Variants in SLIT3 observed in about 807,000 individuals in gnomAD.
SLIT3 encodes slit guidance ligand 3, also known as slit homolog 3 protein.
In SLIT3, 68 loss-of-function variants were observed where a neutral mutation model predicts 184.0. That is an observed-to-expected ratio of 0.37 (90% CI 0.30 to 0.45). SLIT3 has a LOEUF of 0.45. Among genes scored for constraint, SLIT3 ranks in the 20% least tolerant of loss-of-function variants. The pLI is 1.00. For missense variants in SLIT3, 1,707 were observed against 2,026.0 expected (o/e 0.84, Z 3.02); for synonymous variants, 831 against 828.6 (o/e 1.00, Z -0.05).
chr5:168,740,669 T>C (rs1270879192), intron 20 of SLIT3, among the ~76,000 whole-genome samples: 1 of 152,130 alleles, frequency 6.6e-6, no homozygotes, highest in African/African-American at 2.4e-5. Context: ...GGAAGACGGT[T>C]TGGGGAAAGA....
At chr5:169,105,489 T>C (rs1760170460) in intron 4 of SLIT3, among the ~76,000 whole-genome samples, 2 of 152,218 alleles carry the variant, frequency 1.3e-5, no homozygotes, top group Non-Finnish European at 2.9e-5. Flanking sequence ...AACACACTCG[T>C]CCAAAGTCAC....
chr5:169,121,706 T>C (rs75128248), intron 4 of SLIT3, among the ~76,000 whole-genome samples: 2,102 of 152,358 alleles, frequency 0.014, 36 homozygotes, highest in South Asian at 0.082. Flanking sequence ...TCTTCCTGGT[T>C]TGAAGGCTTT....
intron 4 of SLIT3, among the ~76,000 whole-genome samples, chr5:169,173,627 A>G (rs371995327): frequency 6.6e-6 from 1 of 152,178 alleles, no homozygotes; most frequent in Non-Finnish European, 1.5e-5. Context: ...CGTCTCCTCC[A>G]CTGTATTAAA....
chr5:168,902,090 C>G (rs1416986494), intron 4 of SLIT3, among the ~76,000 whole-genome samples: 1 of 152,130 alleles, frequency 6.6e-6, no homozygotes, highest in Non-Finnish European at 1.5e-5. Flanking sequence ...CGGGATTTCA[C>G]CATTTTGGCC....
At chr5:168,768,162 G>A in intron 14 of SLIT3, 1 of 520,974 alleles carries the variant, frequency 1.9e-6, no homozygotes. Context: ...AGAGCACGGT[G>A]CTTTCCGCGG....
chr5:168,972,359 G>GTA lies in SLIT3; in HGVS notation c.414-89024_414-89023insTA, dbSNP rs1176316186. ...AACATGTGTGTGTGTGTGTGTGTGT[G>GTA]TGTGTGTGTGTGTGTGTGAAGAGAG... On this transcript the variant is annotated intron_variant, in intron 4 of 35. Transcript: ENST00000519560. Among the ~76,000 whole-genome samples the GTA allele has an allele frequency of 7.3e-5, 11 of 151,238 alleles. No homozygotes were observed. The East Asian group carries it at 1.6e-3, about 21-fold the overall frequency.
intron 4 of SLIT3, among the ~76,000 whole-genome samples, chr5:169,155,786 G>A (rs1762283856): frequency 6.6e-6 from 1 of 152,216 alleles, no homozygotes; most frequent in Admixed American, 6.5e-5. Context: ...AGGGACAGAA[G>A]TGGCCACAGA....
chr5:168,863,623 C>T (rs1330468862), intron 5 of SLIT3, among the ~76,000 whole-genome samples: 2 of 152,142 alleles, frequency 1.3e-5, no homozygotes, highest in African/African-American at 2.4e-5. Flanking sequence ...CAGGGCATGG[C>T]CAACTCAGAG....
At chr5:169,234,237 A>C (rs1275603969) in intron 3 of SLIT3, among the ~76,000 whole-genome samples, 1 of 152,230 alleles carries the variant, frequency 6.6e-6, no homozygotes, top group South Asian at 2.1e-4. Flanking sequence ...TTTAGCCAAC[A>C]TAGGGAAAGA....
At chr5:168,780,218 T>C (rs1007185876) in intron 12 of SLIT3, among the ~76,000 whole-genome samples, 5 of 152,264 alleles carry the variant, frequency 3.3e-5, no homozygotes, top group Non-Finnish European at 2.9e-5. Context: ...GGTATTTGTC[T>C]GGAAATGCTG....
At chr5:168,907,979 T>TATATATAGAGAGAGAG (rs376418381) in intron 4 of SLIT3, among the ~76,000 whole-genome samples, 29 of 50,072 alleles carry the variant, frequency 5.8e-4, no homozygotes, top group African/African-American at 2.4e-3. Flanking sequence ...TATATATATA[T>TATATATAGAGAGAGAG]AGAGAGAGAG....
At chr5:168,838,152 C>CTTTTAA (rs1758115782) in intron 6 of SLIT3, among the ~76,000 whole-genome samples, 1 of 152,128 alleles carries the variant, frequency 6.6e-6, no homozygotes, top group African/African-American at 2.4e-5. Flanking sequence ...CCGGTAGGTG[C>CTTTTAA]TTTTAATTTT....
rs555917769 is a variant in SLIT3, at chr5:168,957,054, C to T, written c.414-73718G>A. Among the ~76,000 whole-genome samples, 12 of 151,758 alleles carry T rather than the reference C, an allele frequency of 7.9e-5. No individual in the cohort carries two copies. In the East Asian group the frequency reaches 1.4e-3, roughly 17 times the overall value. ...GAGCAGCCTGACCAACATGGTGAAA[C>T]CCCGTCTCTACTCAAAATACAAAAA... On this transcript the variant is annotated intron_variant, in intron 4 of 35. Coordinates refer to ENST00000519560, the MANE Select transcript of SLIT3 (RefSeq NM_003062.4).
intron 4 of SLIT3, among the ~76,000 whole-genome samples, chr5:168,912,538 T>G (rs1246838506): frequency 6.6e-6 from 1 of 152,182 alleles, no homozygotes; most frequent in African/African-American, 2.4e-5. Context: ...GAGTCAAGAA[T>G]TGGAACTAGA....
At chr5:169,125,580 G>A (rs1387186030) in intron 4 of SLIT3, among the ~76,000 whole-genome samples, 1 of 152,134 alleles carries the variant, frequency 6.6e-6, no homozygotes, top group East Asian at 1.9e-4. Context: ...TCACCGTGAG[G>A]GAGGTCCCTG....
chr5:169,182,896 T>C (rs987710215), intron 4 of SLIT3, among the ~76,000 whole-genome samples: 4 of 152,224 alleles, frequency 2.6e-5, no homozygotes, highest in African/African-American at 9.6e-5. Flanking sequence ...CCCTTGGTGA[T>C]GCCACAAAAC....
chr5:168,997,079 C>T (rs1456997115), intron 4 of SLIT3, among the ~76,000 whole-genome samples: 1 of 152,160 alleles, frequency 6.6e-6, no homozygotes. Flanking sequence ...GATCAATAAT[C>T]CTGTCTCCTG....
At chr5:169,161,655 T>TA (rs1762481155) in intron 4 of SLIT3, among the ~76,000 whole-genome samples, 1 of 151,638 alleles carries the variant, frequency 6.6e-6, no homozygotes, top group African/African-American at 2.4e-5. Context: ...AACAGTCTTT[T>TA]TTTTTTTTTT....
intron 4 of SLIT3, among the ~76,000 whole-genome samples, chr5:168,897,550 A>T (rs1760711288): frequency 6.6e-6 from 1 of 152,082 alleles, no homozygotes; most frequent in Non-Finnish European, 1.5e-5. Flanking sequence ...ACATACACAG[A>T]GACAGTCATT....
Sources: allele counts gnomAD v4.1 joint callset (sites outside exome capture counted in the v4.1 genomes callset), GRCh38; gene constraint gnomAD v4.1.1; transcripts MANE v1.5; gene names NCBI Gene and HGNC (gene_info 2026-07-23, HGNC 2026-07-21).